SLC35F4: variants seen among roughly 807,000 people sequenced by gnomAD.
SLC35F4 encodes the protein chromosome 14 open reading frame 36.
SLC35F4 carries 24 observed loss-of-function variants against 44.2 expected under a neutral mutation model. That is an observed-to-expected ratio of 0.54 (90% confidence interval 0.39 to 0.76). The LOEUF is 0.76. Among genes scored for constraint, SLC35F4 ranks in the 30% least tolerant of loss-of-function variants. The pLI is 0.00. For missense variants in SLC35F4, 562 were observed against 586.1 expected (o/e 0.96, Z 0.42); for synonymous variants, 238 against 223.6 (o/e 1.06, Z -0.57).
intron 1 of SLC35F4, among the ~76,000 whole-genome samples, chr14:57,979,969 A>G (rs1228905599): frequency 6.6e-6 from 1 of 152,192 alleles, no homozygotes; most frequent in African/African-American, 2.4e-5. Flanking sequence ...GCTAATAAAC[A>G]TTTACCAACA....
intron 1 of SLC35F4, among the ~76,000 whole-genome samples, chr14:57,654,175 G>A (rs1280668087): frequency 6.6e-6 from 1 of 152,178 alleles, no homozygotes; most frequent in Non-Finnish European, 1.5e-5. Context: ...TTGAGGAACA[G>A]GTGGTTTTGG....
At chr14:57,710,901 A>G (rs965654830) in intron 1 of SLC35F4, among the ~76,000 whole-genome samples, 11 of 152,098 alleles carry the variant, frequency 7.2e-5, no homozygotes, top group African/African-American at 2.7e-4. Context: ...CTTGTCTCAG[A>G]TGAGACTTTA....
chr14:57,580,983 T>G, intron 4 of SLC35F4: 1 of 376,416 alleles, frequency 2.7e-6, no homozygotes, highest in Non-Finnish European at 4.7e-6. Context: ...TCTGCCTGTT[T>G]TAGTGCCTCC....
chr14:57,716,558 C>T (rs993599915), intron 1 of SLC35F4, among the ~76,000 whole-genome samples: 1 of 152,102 alleles, frequency 6.6e-6, no homozygotes, highest in Non-Finnish European at 1.5e-5. Flanking sequence ...ATGCTATTAA[C>T]AATTACTCAA....
chr14:57,941,793 C>A (rs923325645), intron 1 of SLC35F4, among the ~76,000 whole-genome samples: 3 of 151,996 alleles, frequency 2.0e-5, no homozygotes, highest in Non-Finnish European at 4.4e-5. Flanking sequence ...GGAGTTGTAA[C>A]TCATGAAATT....
chr14:57,751,374 G>C (rs2140562777), intron 1 of SLC35F4, among the ~76,000 whole-genome samples: 1 of 152,266 alleles, frequency 6.6e-6, no homozygotes, highest in Non-Finnish European at 1.5e-5. Flanking sequence ...CCAGTAATAA[G>C]GCAAGTGAGT....
chr14:57,741,227 G>A (rs1833076421), intron 1 of SLC35F4, among the ~76,000 whole-genome samples: 2 of 152,352 alleles, frequency 1.3e-5, no homozygotes, highest in South Asian at 2.1e-4. Flanking sequence ...AAAGCTGGAC[G>A]GAGAATGACT....
At chr14:57,566,981 C>A (rs2068238801) in intron 6 of SLC35F4, among the ~76,000 whole-genome samples, 2 of 152,174 alleles carry the variant, frequency 1.3e-5, no homozygotes, top group South Asian at 4.1e-4. Flanking sequence ...AGTGTTACTG[C>A]CTAAAGGAAG....
At chr14:57,850,544 G>C (rs1886459883) in intron 1 of SLC35F4, among the ~76,000 whole-genome samples, 1 of 152,178 alleles carries the variant, frequency 6.6e-6, no homozygotes, top group African/African-American at 2.4e-5. Flanking sequence ...AAAAAAGGAA[G>C]CCCATTCATA....
intron 1 of SLC35F4, among the ~76,000 whole-genome samples, chr14:57,726,292 T>C (rs985405047): frequency 2.6e-5 from 4 of 151,938 alleles, no homozygotes; most frequent in Non-Finnish European, 5.9e-5. Flanking sequence ...AAGGTTTGGG[T>C]CACTCTACCA....
In SLC35F4 at chr14:57,569,959, C is replaced by T. The variant is rs1231820333; in HGVS notation, c.955G>A (p.Gly319Arg). The change falls in exon 6 of 8, where the codon GGA (glycine) becomes AGA (arginine). Residue 319 changes from glycine to arginine, a missense_variant. Physicochemically the swap from Gly to Arg is moderately radical, Grantham distance 125. Coordinates refer to ENST00000556826, the MANE Select transcript of SLC35F4 (RefSeq NM_001306087.2). ...GCAGCTTCCCCAAAGTTGGCACTTC[C>T]AAGAAACATTTTAAACAAGACCTGG... ...LYKVLFKMFL[G>R]SANFGEAAHF... 2 of 1,607,182 alleles carry T rather than the reference C, an allele frequency of 1.2e-6. No individual in the cohort carries two copies. Among genetic ancestry groups the T allele is most frequent in the South Asian group, 2.2e-5 (2 of 89,254 alleles).
At chr14:57,578,406 A>G (rs958432608) in intron 4 of SLC35F4, among the ~76,000 whole-genome samples, 1 of 113,764 alleles carries the variant, frequency 8.8e-6, no homozygotes, top group Non-Finnish European at 1.7e-5. Context: ...TATGCTTTAG[A>G]TTATTTATAG....
intron 1 of SLC35F4, chr14:57,596,039 A>G (rs1194552903): frequency 1.3e-5 from 2 of 152,304 alleles, no homozygotes; most frequent in African/African-American, 4.8e-5. Flanking sequence ...AGATTGTAAA[A>G]TAACTAAGAT....
chr14:57,907,562 A>C lies in SLC35F4; in HGVS notation n.282+74351T>G, dbSNP rs1012185798. On this transcript the variant is annotated intron_variant and non_coding_transcript_variant, in intron 1 of 1. Coordinates refer to the SLC35F4 transcript ENST00000556568. ...AAACATGGGTTAAAATGTGGTTCCC[A>C]TCTTATATTAGCATTAACAATCCCT... is the stretch of plus-strand genomic sequence containing the variant. Among the ~76,000 whole-genome samples the C allele has an allele frequency of 2.0e-5, 3 of 152,272 alleles. No individual in the cohort carries two copies. The East Asian group carries it at 5.8e-4, about 29-fold the overall frequency.
Position 57,945,033 on chromosome 14 carries a change from C to T in SLC35F4, n.282+36880G>A, listed in dbSNP as rs766452797. Among the ~76,000 whole-genome samples the T allele has an allele frequency of 5.3e-5, 8 of 151,912 alleles. No homozygotes were observed. In the East Asian group the frequency reaches 9.6e-4, roughly 18 times the overall value. On this transcript the variant is annotated intron_variant and non_coding_transcript_variant, in intron 1 of 1. Transcript: ENST00000556568. ...AAGTATCTCAAAATAATTATGTAATCGTCCTCATTTTTCCTTTAAAAACCT... is the reference window on the plus strand; with the variant it reads ...AAGTATCTCAAAATAATTATGTAATTGTCCTCATTTTTCCTTTAAAAACCT...
intron 1 of SLC35F4, among the ~76,000 whole-genome samples, chr14:57,652,355 G>A (rs916373043): frequency 7.2e-5 from 11 of 152,050 alleles, no homozygotes; most frequent in African/African-American, 2.2e-4. Flanking sequence ...TGTTTAAGCC[G>A]GGTACCTGCT....
intron 1 of SLC35F4, among the ~76,000 whole-genome samples, chr14:57,653,704 G>A (rs576540921): frequency 2.0e-5 from 3 of 152,204 alleles, no homozygotes; most frequent in Non-Finnish European, 4.4e-5. Context: ...AGCAGGTGGT[G>A]TTTGCTGCCA....
At chr14:57,567,172 C>T (rs954430572) in intron 6 of SLC35F4, among the ~76,000 whole-genome samples, 1 of 152,158 alleles carries the variant, frequency 6.6e-6, no homozygotes, top group Non-Finnish European at 1.5e-5. Flanking sequence ...TAGCTCCATG[C>T]TCTTCAATGA....
intron 4 of SLC35F4, chr14:57,578,979 ACAGTCCTTG>A (rs2069027424): frequency 6.6e-6 from 1 of 152,250 alleles, no homozygotes; most frequent in African/African-American, 2.4e-5. Context: ...AAGGAAGGAT[ACAGTCCTTG>A]CCTCTTCCAG....
Sources: allele counts gnomAD v4.1 joint callset (sites outside exome capture counted in the v4.1 genomes callset), GRCh38; gene constraint gnomAD v4.1.1; transcripts MANE v1.5; gene names NCBI Gene and HGNC (gene_info 2026-07-23, HGNC 2026-07-21).